Variants in MYO18B observed in about 807,000 individuals in gnomAD.
MYO18B encodes the protein myosin XVIIIB.
Under a neutral mutation model 273.0 loss-of-function variants are expected in MYO18B, and 204 were observed. The observed-to-expected ratio is 0.75, with a 90% CI of 0.67 to 0.84. The LOEUF is 0.84. Ranked by LOEUF, MYO18B falls within the 40% of genes least tolerant of loss-of-function variation. The pLI, the probability that MYO18B is intolerant of heterozygous loss-of-function variation, is 0.00. For synonymous variants in MYO18B, 1,330 were observed against 1,305.7 expected (o/e 1.02, Z -0.40); for missense variants, 3,212 against 3,287.6 (o/e 0.98, Z 0.56).
chr22:26,044,905 T>C, the MYO18B span, among the ~76,000 whole-genome samples: 3 of 152,148 alleles, frequency 2.0e-5, no homozygotes, highest in Admixed American at 6.5e-5. Context: ...GGAATACCTA[T>C]TGTTGAGATG....
At chr22:25,835,719 G>A (rs2145953182) in intron 17 of MYO18B, among the ~76,000 whole-genome samples, 1 of 152,386 alleles carries the variant, frequency 6.6e-6, no homozygotes, top group South Asian at 2.1e-4. Flanking sequence ...CCAAGCACAT[G>A]CGTGCACAGT....
At chr22:25,936,764 A>G (rs2092583659) in intron 34 of MYO18B, among the ~76,000 whole-genome samples, 1 of 152,176 alleles carries the variant, frequency 6.6e-6, no homozygotes, top group African/African-American at 2.4e-5. Flanking sequence ...TTCCTGGCCT[A>G]CAGACAGACA....
chr22:25,772,575 C>A, intron 7 of MYO18B, 65 bp downstream of exon 7: 2 of 1,493,352 alleles, frequency 1.3e-6, no homozygotes. Flanking sequence ...GGGGATCCCT[C>A]TGCATCTGAG....
chr22:25,905,047 GT>G (rs199873011), intron 31 of MYO18B, among the ~76,000 whole-genome samples: 1 of 149,178 alleles, frequency 6.7e-6, no homozygotes, highest in Non-Finnish European at 1.5e-5. Context: ...ATTTTAAAGT[GT>G]TTTTTTTAAA....
chr22:25,769,326 T>C lies in MYO18B; in HGVS notation c.1410T>C (p.Ala470=). ...ETELEGPSQP[A]LEKDAERPRI... The stretch of plus-strand genomic sequence containing the variant: ...AGCTGGAAGGACCCAGCCAGCCTGC[T>C]CTGGAGAAGGATGCAGAAAGGCCTC... The change falls in exon 4 of 44, where the codon GCT becomes GCC. Residue 470 remains alanine (A), a synonymous_variant. Coordinates refer to ENST00000335473, the MANE Select transcript of MYO18B (RefSeq NM_032608.7). 6.3e-7 allele frequency: 1 copy of C among 1,578,708 alleles called. No homozygotes were observed. The highest frequency in any genetic ancestry group is 8.6e-7 in the Non-Finnish European group (1 of 1,162,848).
At chr22:25,766,091 T>G (rs1170102207) in intron 3 of MYO18B, among the ~76,000 whole-genome samples, 1 of 151,850 alleles carries the variant, frequency 6.6e-6, no homozygotes, top group South Asian at 2.1e-4. Flanking sequence ...TTAAGGTTTT[T>G]AAAAGTGCCC....
chr22:25,958,081 A>G (rs532127803), intron 39 of MYO18B, among the ~76,000 whole-genome samples: 4 of 151,890 alleles, frequency 2.6e-5, no homozygotes, highest in African/African-American at 7.2e-5. Context: ...TGCCCAGCTA[A>G]TTTTTGTATT....
intron 39 of MYO18B, among the ~76,000 whole-genome samples, chr22:25,982,631 C>T (rs2146796573): frequency 6.6e-6 from 1 of 152,284 alleles, no homozygotes. Context: ...CTCCTGGATG[C>T]ACCACTCCAA....
intron 39 of MYO18B, among the ~76,000 whole-genome samples, chr22:25,976,609 G>A (rs990539488): frequency 6.6e-6 from 1 of 152,240 alleles, no homozygotes; most frequent in African/African-American, 2.4e-5. Context: ...TGCATGCTCC[G>A]TTTTCTCTGA....
intron 21 of MYO18B, among the ~76,000 whole-genome samples, chr22:25,855,835 T>C (rs117763113): frequency 0.029 from 4,436 of 152,208 alleles, 88 homozygotes; most frequent in Non-Finnish European, 0.043. Context: ...CTTTTTTTTT[T>C]TTTTGAACTC....
chr22:25,954,763 G>C (rs984584033), intron 38 of MYO18B, among the ~76,000 whole-genome samples: 1 of 152,166 alleles, frequency 6.6e-6, no homozygotes, highest in African/African-American at 2.4e-5. Context: ...CCAGGCTGGA[G>C]TGCAGTGGCG....
Position 25,823,654 on chromosome 22 carries a change from C to G in MYO18B, c.2671C>G (p.Leu891Val). 2 of 1,613,980 alleles carry G rather than the reference C, an allele frequency of 1.2e-6. No homozygotes were observed. Among genetic ancestry groups the G allele is most frequent in the Non-Finnish European group, 1.7e-6 (2 of 1,179,878 alleles). The change falls in exon 13 of 44, where the codon CTC becomes GTC. Residue 891 changes from leucine to valine, a missense_variant. Transcript: ENST00000335473. Reference protein sequence around the residue: ...QMTFGPSRWGLEDEETSSGLK... With the variant: ...QMTFGPSRWGVEDEETSSGLK... ...GACGTTTGGGCCAAGCCGATGGGGCCTCGAGGATGAGGAAACCAGCTCAGG... is the reference window on the plus strand; with the variant it reads ...GACGTTTGGGCCAAGCCGATGGGGCGTCGAGGATGAGGAAACCAGCTCAGG...
intron 7 of MYO18B, among the ~76,000 whole-genome samples, chr22:25,774,084 C>T (rs983749487): frequency 1.3e-5 from 2 of 152,232 alleles, no homozygotes; most frequent in Non-Finnish European, 2.9e-5. Flanking sequence ...GGTGAAAACA[C>T]ATCTTGCCCT....
At chr22:25,841,733 C>G (rs16980848) in intron 17 of MYO18B, among the ~76,000 whole-genome samples, 1 of 152,178 alleles carries the variant, frequency 6.6e-6, no homozygotes, top group Non-Finnish European at 1.5e-5. Context: ...TACTCGGTCA[C>G]GATCCTCATT....
At chr22:25,973,913 A>G (rs1444234967) in intron 39 of MYO18B, among the ~76,000 whole-genome samples, 4 of 152,172 alleles carry the variant, frequency 2.6e-5, no homozygotes, top group Non-Finnish European at 5.9e-5. Flanking sequence ...GGGGCAACAA[A>G]TAGTAATACA....
At chr22:26,050,899 T>C in the MYO18B span, among the ~76,000 whole-genome samples, 1 of 151,948 alleles carries the variant, frequency 6.6e-6, no homozygotes, top group Non-Finnish European at 1.5e-5. Flanking sequence ...TTGGATGAGG[T>C]TGGGGAGAAA....
At chr22:25,775,694 G>A (rs191129730) in intron 7 of MYO18B, among the ~76,000 whole-genome samples, 32 of 152,052 alleles carry the variant, frequency 2.1e-4, no homozygotes, top group African/African-American at 7.2e-4. Flanking sequence ...CCCACTGGCC[G>A]CCCAGTCAGT....
At chr22:25,857,679 A>T (rs962292786) in intron 21 of MYO18B, among the ~76,000 whole-genome samples, 2 of 152,156 alleles carry the variant, frequency 1.3e-5, no homozygotes, top group Non-Finnish European at 2.9e-5. Flanking sequence ...TTTGAGACAG[A>T]GTCTCGCTCT....
intron 39 of MYO18B, among the ~76,000 whole-genome samples, chr22:25,987,677 G>T (rs1364169528): frequency 6.6e-6 from 1 of 152,142 alleles, no homozygotes; most frequent in Non-Finnish European, 1.5e-5. Context: ...CTCTGTGGAA[G>T]TGAGGACTTT....
Sources: gnomAD v4.1 joint callset for allele counts (sites outside exome capture counted in the v4.1 genomes callset) on GRCh38, gnomAD v4.1.1 for gene constraint, MANE v1.5 for transcripts, NCBI Gene and HGNC (gene_info 2026-07-23, HGNC 2026-07-21) for gene names.